Variants in PHF20 observed in about 807,000 individuals in gnomAD.
PHF20 encodes the protein PHD finger protein 20.
In PHF20, 23 loss-of-function variants were observed where a neutral mutation model predicts 113.5. That is an observed-to-expected ratio of 0.20 (90% CI 0.15 to 0.29). The LOEUF (loss-of-function observed/expected upper bound fraction) is 0.29, where lower values mean the gene tolerates loss of function less well. Ranked by LOEUF, PHF20 falls within the 10% of genes least tolerant of loss-of-function variation. The pLI is 1.00. For missense variants in PHF20, 943 were observed against 1,219.6 expected (o/e 0.77, Z 3.38); for synonymous variants, 434 against 457.3 (o/e 0.95, Z 0.65).
chr20:35,844,368 C>G (rs2146940030), intron 3 of PHF20, among the ~76,000 whole-genome samples: 1 of 150,564 alleles, frequency 6.6e-6, no homozygotes, highest in Non-Finnish European at 1.5e-5. Context: ...TCTCAAAGTC[C>G]TGGCATTACA....
intron 1 of PHF20, among the ~76,000 whole-genome samples, chr20:35,779,365 A>G (rs1736914267): frequency 6.6e-6 from 1 of 151,942 alleles, no homozygotes; most frequent in Non-Finnish European, 1.5e-5. Context: ...GTGATAGTTT[A>G]TTCCATGTCA....
intron 9 of PHF20, chr20:35,878,413 G>A (rs2147006215): frequency 4.4e-6 from 2 of 452,288 alleles, no homozygotes; most frequent in Non-Finnish European, 7.7e-6. Context: ...GTTGGCGTGT[G>A]CGAGATTTTC....
chr20:35,932,155 C>A (rs982955631), intron 15 of PHF20, among the ~76,000 whole-genome samples: 3 of 150,032 alleles, frequency 2.0e-5, no homozygotes, highest in Non-Finnish European at 3.0e-5. Context: ...GCAGCCTCCA[C>A]CTCCTGGGTT....
chr20:35,814,892 AAAAT>A (rs1555789378), intron 2 of PHF20, among the ~76,000 whole-genome samples: 5 of 110,260 alleles, frequency 4.5e-5, no homozygotes, highest in South Asian at 5.6e-4. Flanking sequence ...AAAAAAAAAT[AAAAT>A]AAATAAATAA....
At chr20:35,784,998 C>A (rs1354691082) in intron 1 of PHF20, among the ~76,000 whole-genome samples, 1 of 151,564 alleles carries the variant, frequency 6.6e-6, no homozygotes, top group Non-Finnish European at 1.5e-5. Context: ...TTGCAGTGAG[C>A]CAGGATCATG....
intron 17 of PHF20, among the ~76,000 whole-genome samples, chr20:35,945,272 G>A (rs943101636): frequency 3.3e-5 from 5 of 152,134 alleles, no homozygotes; most frequent in African/African-American, 1.2e-4. Context: ...GGATATAGTG[G>A]CAAGCAAGGC....
At chr20:35,782,871 C>A (rs2041330007) in intron 1 of PHF20, among the ~76,000 whole-genome samples, 1 of 152,166 alleles carries the variant, frequency 6.6e-6, no homozygotes, top group Admixed American at 6.6e-5. Context: ...CCCTTTCCCT[C>A]CATTTCCTAA....
chr20:35,942,901 G>A (rs2147134350), intron 17 of PHF20, among the ~76,000 whole-genome samples: 1 of 151,922 alleles, frequency 6.6e-6, no homozygotes, highest in African/African-American at 2.4e-5. Flanking sequence ...TCAGCTCACT[G>A]CAAGCTCCGC....
intron 15 of PHF20, 131 bp downstream of exon 15, chr20:35,931,575 T>G: frequency 1.6e-6 from 1 of 622,554 alleles, no homozygotes; most frequent in South Asian, 3.0e-5. Context: ...TACTAAAAAT[T>G]ATCAGTTTCA....
chr20:35,840,374 A>G (rs1432551926), intron 2 of PHF20, among the ~76,000 whole-genome samples: 1 of 152,110 alleles, frequency 6.6e-6, no homozygotes, highest in African/African-American at 2.4e-5. Context: ...TTATCCAGAT[A>G]CCTCTCTTGT....
intron 9 of PHF20, among the ~76,000 whole-genome samples, chr20:35,875,817 C>T (rs1196064049): frequency 1.3e-5 from 2 of 152,142 alleles, no homozygotes; most frequent in African/African-American, 4.8e-5. Flanking sequence ...GGAAACACGC[C>T]ATGCATATAA....
At chr20:35,849,151 G>A (rs2042674057) in intron 4 of PHF20, among the ~76,000 whole-genome samples, 1 of 152,174 alleles carries the variant, frequency 6.6e-6, no homozygotes, top group Non-Finnish European at 1.5e-5. Context: ...GAGGATATGG[G>A]AGAGGGGCAA....
intron 4 of PHF20, among the ~76,000 whole-genome samples, chr20:35,851,184 A>G (rs1350014639): frequency 6.6e-6 from 1 of 152,162 alleles, no homozygotes; most frequent in Non-Finnish European, 1.5e-5. Flanking sequence ...GTTAGCATTT[A>G]TGACAAAATG....
chr20:35,810,075 A>G (rs1435921461), intron 2 of PHF20, among the ~76,000 whole-genome samples: 1 of 152,060 alleles, frequency 6.6e-6, no homozygotes, highest in Non-Finnish European at 1.5e-5. Flanking sequence ...GACTACAGGC[A>G]GGTGCCACCA....
In PHF20 at chr20:35,801,582, A is replaced by G; in HGVS notation, c.60A>G (p.Glu20=). Residue 20 remains glutamate (E), a synonymous_variant, in exon 2 of 18, where the codon GAA becomes GAG. Coordinates refer to ENST00000374012, the MANE Select transcript of PHF20 (RefSeq NM_016436.5). ...GCTTTGAAGTGGGAGCCCAGTTGGA[A>G]GCCCGGGACCGTTTAAAAAACTGGT... ...GISFEVGAQL[E]ARDRLKNWYP... The G allele has an allele frequency of 6.2e-7, 1 of 1,612,968 alleles. No homozygotes were observed. Among genetic ancestry groups the G allele is most frequent in the Non-Finnish European group, 8.5e-7 (1 of 1,179,100 alleles).
rs754308147 is a variant in PHF20 at position 35,842,586 on chromosome 20, A to G, written c.97A>G (p.Ile33Val). 1 of 1,612,686 alleles carries G rather than the reference A, an allele frequency of 6.2e-7. No homozygotes were observed. The highest frequency in any genetic ancestry group is 8.5e-7 in the Non-Finnish European group (1 of 1,179,632). Residue 33 changes from isoleucine to valine, a missense_variant, in exon 3 of 18, where the codon ATA (isoleucine) becomes GTA (valine). By Grantham distance (29) the Ile-to-Val change is conservative (BLOSUM62 3). Around this residue, in one of 3 missense-constraint regions of PHF20, gnomAD observed 592 missense variants for 787.2 expected, o/e 0.75. Coordinates refer to ENST00000374012, the MANE Select transcript of PHF20 (RefSeq NM_016436.5). ...DRLKNWYPAH[I>V]EDIDYEEGKV... The stretch of plus-strand genomic sequence containing the variant: ...TTTCTGACTCAGGTATCCAGCTCAC[A>G]TAGAAGACATTGACTACGAGGAAGG...
intron 15 of PHF20, among the ~76,000 whole-genome samples, chr20:35,937,232 G>A (rs910588181): frequency 1.3e-5 from 2 of 152,156 alleles, no homozygotes; most frequent in Non-Finnish European, 2.9e-5. Context: ...ACTTTGGGAG[G>A]TCGAGGTGGG....
At chr20:35,807,006 A>G (rs1012033648) in intron 2 of PHF20, among the ~76,000 whole-genome samples, 3 of 151,940 alleles carry the variant, frequency 2.0e-5, no homozygotes, top group East Asian at 1.9e-4. Flanking sequence ...TGTGTTAGCC[A>G]GGATGGTCTC....
chr20:35,841,934 C>T (rs2042543494), intron 2 of PHF20, among the ~76,000 whole-genome samples: 1 of 152,126 alleles, frequency 6.6e-6, no homozygotes, highest in Non-Finnish European at 1.5e-5. Context: ...ATGTTTTCTT[C>T]CTGCCTCTTG....
Sources: gnomAD v4.1 joint callset for allele counts (sites outside exome capture counted in the v4.1 genomes callset) on GRCh38, gnomAD v4.1.1 for gene constraint, gnomAD v4.1.1 regional missense constraint, MANE v1.5 for transcripts, NCBI Gene and HGNC (gene_info 2026-07-23, HGNC 2026-07-21) for gene names.